The following MTUS2 variants were observed in gnomAD, a reference collection of about 807,000 sequenced individuals.
MTUS2 encodes the protein microtubule associated scaffold protein 2, also known as microtubule-associated tumor suppressor candidate 2.
MTUS2 carries 40 observed loss-of-function variants against 114.1 expected under a neutral mutation model. That is an observed-to-expected ratio of 0.35 (90% CI 0.27 to 0.46). The LOEUF is 0.46. MTUS2 is among the 20% of genes least tolerant of loss of function. The pLI is 1.00. For synonymous variants in MTUS2, 688 were observed against 672.0 expected, an observed-to-expected ratio of 1.02 and a Z score of -0.37; for missense variants, 1,679 against 1,705.4, an observed-to-expected ratio of 0.98 and a Z score of 0.27.
intron 4 of MTUS2, among the ~76,000 whole-genome samples, chr13:29,058,586 ATTATTTTT>A (rs1236755798): frequency 2.2e-4 from 25 of 112,040 alleles, no homozygotes; most frequent in Non-Finnish European, 3.3e-4. Flanking sequence ...TTTTTTAATT[ATTATTTTT>A]TTATTTTTTT....
intron 5 of MTUS2, among the ~76,000 whole-genome samples, chr13:29,155,988 C>T (rs1892843489): frequency 6.6e-6 from 1 of 152,084 alleles, no homozygotes; most frequent in African/African-American, 2.4e-5. Flanking sequence ...TAACCATAAA[C>T]AGCCGTTTGC....
intron 3 of MTUS2, among the ~76,000 whole-genome samples, chr13:29,033,573 G>A (rs924964878): frequency 1.3e-5 from 2 of 152,154 alleles, no homozygotes; most frequent in African/African-American, 4.8e-5. Flanking sequence ...GACATTTATA[G>A]TTTGGCTACT....
chr13:28,848,821 A>G (rs2138019918), intron 2 of MTUS2, among the ~76,000 whole-genome samples: 1 of 152,244 alleles, frequency 6.6e-6, no homozygotes, highest in East Asian at 1.9e-4. Flanking sequence ...GTCTGGAGAC[A>G]TTTTTGGCTG....
At chr13:29,084,782 C>CA (rs1310790260) in intron 4 of MTUS2, among the ~76,000 whole-genome samples, 4 of 48,986 alleles carry the variant, frequency 8.2e-5, no homozygotes, top group South Asian at 4.5e-4. Context: ...AGGTGATCCA[C>CA]CCCCCCCCCT....
At chr13:28,954,359 T>C (rs984640625) in intron 2 of MTUS2, among the ~76,000 whole-genome samples, 9 of 152,342 alleles carry the variant, frequency 5.9e-5, no homozygotes, top group African/African-American at 1.9e-4. Context: ...GGGTCACTTC[T>C]TAATTTCAAG....
At chr13:29,216,167 C>T (rs1054759262) in intron 5 of MTUS2, among the ~76,000 whole-genome samples, 10 of 152,338 alleles carry the variant, frequency 6.6e-5, no homozygotes, top group East Asian at 3.9e-4. Flanking sequence ...CTGGCAGCTT[C>T]GTTTACACTG....
At chr13:28,955,879 T>G (rs1429694191) in intron 2 of MTUS2, among the ~76,000 whole-genome samples, 1 of 151,764 alleles carries the variant, frequency 6.6e-6, no homozygotes, top group Non-Finnish European at 1.5e-5. Flanking sequence ...TTTAGACACC[T>G]TGCTTTGCTC....
intron 5 of MTUS2, among the ~76,000 whole-genome samples, chr13:29,266,485 G>A (rs1897671314): frequency 6.6e-6 from 1 of 152,162 alleles, no homozygotes; most frequent in African/African-American, 2.4e-5. Flanking sequence ...TCTCTTGGGG[G>A]AAAGAGTAGT....
At chr13:29,238,342 A>G (rs1011700236) in intron 5 of MTUS2, among the ~76,000 whole-genome samples, 1 of 152,202 alleles carries the variant, frequency 6.6e-6, no homozygotes, top group Non-Finnish European at 1.5e-5. Context: ...ATTGACTCAC[A>G]CCATCACAAG....
chr13:29,184,297 T>G (rs533351934), intron 5 of MTUS2, among the ~76,000 whole-genome samples: 4 of 152,208 alleles, frequency 2.6e-5, no homozygotes, highest in Non-Finnish European at 5.9e-5. Flanking sequence ...GGGCCTCCCT[T>G]ATTTCCTCAC....
At chr13:28,925,191 G>T (rs1430929694) in intron 2 of MTUS2, among the ~76,000 whole-genome samples, 2 of 152,034 alleles carry the variant, frequency 1.3e-5, no homozygotes, top group African/African-American at 4.8e-5. Context: ...TTAATTATCT[G>T]ACACAAGAAG....
At chr13:29,106,310 A>G (rs1036056528) in intron 5 of MTUS2, among the ~76,000 whole-genome samples, 3 of 152,166 alleles carry the variant, frequency 2.0e-5, no homozygotes, top group South Asian at 4.1e-4. Flanking sequence ...TCTTTTAATG[A>G]TATCTGTGAT....
At chr13:28,942,659 C>T (rs1882308275) in intron 2 of MTUS2, among the ~76,000 whole-genome samples, 1 of 152,208 alleles carries the variant, frequency 6.6e-6, no homozygotes, top group Non-Finnish European at 1.5e-5. Context: ...TACATGGTGA[C>T]ATGGATACAT....
intron 2 of MTUS2, among the ~76,000 whole-genome samples, chr13:28,934,227 A>G (rs1425946976): frequency 1.3e-5 from 2 of 152,198 alleles, no homozygotes; most frequent in Non-Finnish European, 2.9e-5. Context: ...TGGTGGAGAT[A>G]TTGATTAGTT....
intron 2 of MTUS2, among the ~76,000 whole-genome samples, chr13:28,881,184 T>TCCTAACCCTAA (rs1458968117): frequency 1.3e-5 from 2 of 152,232 alleles, no homozygotes; most frequent in South Asian, 4.1e-4. Context: ...TGTCCATGTG[T>TCCTAACCCTAA]ACTTACTGTT....
At chr13:29,061,343 AT>A (rs1888408567) in intron 4 of MTUS2, among the ~76,000 whole-genome samples, 2 of 152,116 alleles carry the variant, frequency 1.3e-5, no homozygotes, top group Non-Finnish European at 2.9e-5. Flanking sequence ...AGATGTCTCC[AT>A]TTTGGCTGTA....
intron 4 of MTUS2, among the ~76,000 whole-genome samples, chr13:29,082,580 A>G (rs1237812187): frequency 6.6e-6 from 1 of 152,084 alleles, no homozygotes; most frequent in Non-Finnish European, 1.5e-5. Flanking sequence ...TCCTCCTACA[A>G]CTTGGCAAAT....
At chr13:29,042,119 T>A (rs1887392747) in intron 4 of MTUS2, among the ~76,000 whole-genome samples, 1 of 152,202 alleles carries the variant, frequency 6.6e-6, no homozygotes, top group Non-Finnish European at 1.5e-5. Context: ...AGATGGCTTT[T>A]ATTACCTTAA....
chr13:29,345,367 T>C (rs1003455803), intron 7 of MTUS2, among the ~76,000 whole-genome samples: 2 of 152,004 alleles, frequency 1.3e-5, no homozygotes, highest in Non-Finnish European at 2.9e-5. Flanking sequence ...AATTCTTTTT[T>C]CTTTGTCTTT....
Sources: gnomAD v4.1 joint callset for allele counts (sites outside exome capture counted in the v4.1 genomes callset) on GRCh38, gnomAD v4.1.1 for gene constraint, MANE v1.5 for transcripts, NCBI Gene and HGNC (gene_info 2026-07-23, HGNC 2026-07-21) for gene names.